PRR5L: variants seen among roughly 807,000 people sequenced by gnomAD.
The protein encoded by PRR5L is proline rich 5 like, also known as proline-rich protein 5-like.
A neutral mutation model predicts 36.4 loss-of-function variants in PRR5L; 21 were observed. That is an observed-to-expected ratio of 0.58 (90% CI 0.41 to 0.83). The LOEUF (loss-of-function observed/expected upper bound fraction) is 0.83, where lower values mean the gene tolerates loss of function less well. Among genes scored for constraint, PRR5L ranks in the 40% least tolerant of loss-of-function variants. The pLI, the probability that PRR5L is intolerant of heterozygous loss-of-function variation, is 0.00. For synonymous variants in PRR5L, 188 were observed against 197.0 expected (o/e 0.95, Z 0.38); for missense variants, 381 against 473.3 (o/e 0.80, Z 1.81).
rs1856878432 is a variant in PRR5L at position 36,347,436 on chromosome 11, G to A, written c.-126+50998G>A. Among the ~76,000 whole-genome samples the A allele has an allele frequency of 2.6e-5, 4 of 152,106 alleles. No homozygotes were observed. The South Asian group carries it at 8.3e-4, about 32-fold the overall frequency. ...TGAAAGTATAATTTTCTGATTAATAGAGGGGACAGTCCCAGTGTTTTTTGC... is the reference window on the plus strand; with the variant it reads ...TGAAAGTATAATTTTCTGATTAATAAAGGGGACAGTCCCAGTGTTTTTTGC... On this transcript the variant is annotated intron_variant, in intron 1 of 8. Transcript: ENST00000530639.
At chr11:36,388,776 G>A (rs1373948798) in intron 1 of PRR5L, among the ~76,000 whole-genome samples, 1 of 140,266 alleles carries the variant, frequency 7.1e-6, no homozygotes, top group East Asian at 2.2e-4. Flanking sequence ...TCGGCTCACT[G>A]CAAGCTCCGC....
chr11:36,379,696 G>A (rs1326924448), intron 1 of PRR5L, among the ~76,000 whole-genome samples: 6 of 152,216 alleles, frequency 3.9e-5, no homozygotes, highest in Non-Finnish European at 7.3e-5. Context: ...TACAAGAGAA[G>A]ATTTCACATG....
At position 36,432,278 on chromosome 11, in the gene PRR5L, C is replaced by T. The variant is rs138936376; in HGVS notation, c.352+368C>T. Reference sequence around the variant, plus strand: ...CCATGCTATTTCCTCTGGTCTGTCCCGAGCTATTTCCTACAGGCCTTTGTA... The same window carrying T: ...CCATGCTATTTCCTCTGGTCTGTCCTGAGCTATTTCCTACAGGCCTTTGTA... On this transcript the variant is annotated intron_variant, in intron 5 of 8. Coordinates refer to ENST00000530639, the MANE Select transcript of PRR5L (RefSeq NM_001160167.2). Among the ~76,000 whole-genome samples the T allele has an allele frequency of 3.8e-4, 58 of 152,156 alleles. No individual in the cohort carries two copies. In the East Asian group the frequency reaches 7.3e-3, roughly 19 times the overall value.
intron 3 of PRR5L, among the ~76,000 whole-genome samples, chr11:36,411,337 G>A (rs1054210275): frequency 2.6e-5 from 4 of 152,154 alleles, no homozygotes; most frequent in East Asian, 1.9e-4. Context: ...TTGACAAGAC[G>A]GTGAGGCGTG....
At chr11:36,418,222 G>A (rs368993541) in intron 3 of PRR5L, among the ~76,000 whole-genome samples, 15 of 152,112 alleles carry the variant, frequency 9.9e-5, no homozygotes, top group African/African-American at 2.7e-4. Context: ...ATACATCTTC[G>A]TTGCTGGATA....
chr11:36,371,765 T>A (rs1015535001), intron 1 of PRR5L, among the ~76,000 whole-genome samples: 1 of 152,116 alleles, frequency 6.6e-6, no homozygotes, highest in Non-Finnish European at 1.5e-5. Flanking sequence ...AGGCATTAAA[T>A]GTGATAATGT....
At chr11:36,366,862 G>C (rs1277889628) in intron 1 of PRR5L, among the ~76,000 whole-genome samples, 1 of 152,078 alleles carries the variant, frequency 6.6e-6, no homozygotes, top group Non-Finnish European at 1.5e-5. Context: ...TTTCACAGTA[G>C]AGTTTAAAAC....
Position 36,452,074 on chromosome 11 carries a change from AATT to A in PRR5L, c.712+742_712+744del, listed in dbSNP as rs763920788. Among the ~76,000 whole-genome samples the A allele has an allele frequency of 5.3e-4, 81 of 152,334 alleles. 2 individuals are homozygous for A. The highest frequency in any genetic ancestry group is 2.9e-4 in the Non-Finnish European group (20 of 68,036). On this transcript the variant is annotated intron_variant, in intron 8 of 8. Transcript: ENST00000530639. The stretch of plus-strand genomic sequence containing the variant: ...ATAGCTGTATGATAAGGCTTCCAAT[AATT>A]ATAATAATAAAAAACCCAGTTATTG...
chr11:36,434,453 A>G (rs983502856), intron 5 of PRR5L, among the ~76,000 whole-genome samples: 1 of 152,218 alleles, frequency 6.6e-6, no homozygotes, highest in Non-Finnish European at 1.5e-5. Context: ...AGGTACTTAC[A>G]TGTCTATATA....
intron 1 of PRR5L, among the ~76,000 whole-genome samples, chr11:36,305,793 C>T (rs1856424203): frequency 6.6e-6 from 1 of 152,172 alleles, no homozygotes; most frequent in African/African-American, 2.4e-5. Context: ...TCTAGGACTT[C>T]CCAGCCTCCA....
intron 1 of PRR5L, among the ~76,000 whole-genome samples, chr11:36,303,148 G>T (rs1005890714): frequency 7.2e-5 from 11 of 152,218 alleles, no homozygotes; most frequent in Admixed American, 1.3e-4. Flanking sequence ...CAGGAAGACA[G>T]CTTAGGAAGC....
chr11:36,370,910 CA>C (rs1003437743), intron 1 of PRR5L, among the ~76,000 whole-genome samples: 8 of 144,750 alleles, frequency 5.5e-5, no homozygotes, highest in African/African-American at 7.6e-5. Context: ...AGAAAGCAAA[CA>C]AAAAAAACAA....
intron 1 of PRR5L, among the ~76,000 whole-genome samples, chr11:36,314,377 C>G (rs1412547294): frequency 6.6e-6 from 1 of 152,190 alleles, no homozygotes; most frequent in Non-Finnish European, 1.5e-5. Flanking sequence ...TCTCCCCACA[C>G]ATCAGTAAAG....
intron 6 of PRR5L, 76 bp from the exon 7 acceptor site, chr11:36,446,224 G>T (rs1234408775): frequency 1.3e-6 from 2 of 1,536,614 alleles, no homozygotes; most frequent in Admixed American, 3.5e-5. Context: ...AACATGTGTT[G>T]TCTTGAACCC....
Position 36,462,615 on chromosome 11 carries a change from TC to T in PRR5L, c.992del (p.Pro331ArgfsTer32). On this transcript the variant is annotated frameshift_variant, in exon 9 of 9. Coordinates refer to ENST00000530639, the MANE Select transcript of PRR5L (RefSeq NM_001160167.2). LOFTEE classifies it high-confidence loss of function. ...AAGTGCCTGCTCCTGCCACCCAGCT[TC>T]CCCCCGCCCCACCGGCAGTGCTCCA... ...ENKCLLLPPS[F>X]PPPHRQCSSE... 1 of 1,611,890 alleles carries T rather than the reference TC, an allele frequency of 6.2e-7. No homozygotes were observed.
At chr11:36,332,728 C>T (rs985023189) in intron 1 of PRR5L, among the ~76,000 whole-genome samples, 2 of 151,990 alleles carry the variant, frequency 1.3e-5, no homozygotes, top group African/African-American at 4.8e-5. Flanking sequence ...TGTGAGAGCT[C>T]GTTGTTTAAA....
chr11:36,462,033 A>G (rs559509564), intron 8 of PRR5L, among the ~76,000 whole-genome samples: 18 of 152,334 alleles, frequency 1.2e-4, no homozygotes, highest in African/African-American at 3.4e-4. Flanking sequence ...GGCAAACCCA[A>G]TGAAGCTCAG....
At chr11:36,329,575 AC>A (rs1342713253) in intron 1 of PRR5L, among the ~76,000 whole-genome samples, 3 of 152,202 alleles carry the variant, frequency 2.0e-5, no homozygotes, top group Admixed American at 6.5e-5. Context: ...AAGTAAGATT[AC>A]CCTTGTTTAT....
intron 1 of PRR5L, among the ~76,000 whole-genome samples, chr11:36,313,494 C>A (rs1246491990): frequency 6.6e-6 from 1 of 152,176 alleles, no homozygotes. Context: ...ACTGGAGACA[C>A]TTTGCTTTGT....
Sources: gnomAD v4.1 joint callset for allele counts (sites outside exome capture counted in the v4.1 genomes callset) on GRCh38, gnomAD v4.1.1 for gene constraint, MANE v1.5 for transcripts, NCBI Gene and HGNC (gene_info 2026-07-23, HGNC 2026-07-21) for gene names.